LRP12: variants seen among roughly 807,000 people sequenced by gnomAD.
LRP12 encodes the protein LDL receptor related protein 12.
In LRP12, 14 loss-of-function variants were observed where a neutral mutation model predicts 66.0. The observed-to-expected ratio is 0.21, with a 90% confidence interval of 0.14 to 0.33. The LOEUF is 0.33. Among genes scored for constraint, LRP12 ranks in the 10% least tolerant of loss-of-function variants. The pLI is 1.00. For missense variants in LRP12, 889 were observed against 1,053.4 expected (o/e 0.84, Z 2.16); for synonymous variants, 357 against 359.1 (o/e 0.99, Z 0.07).
At chr8:104,516,584 T>C (rs1811074799) in intron 2 of LRP12, among the ~76,000 whole-genome samples, 1 of 152,114 alleles carries the variant, frequency 6.6e-6, no homozygotes. Context: ...AGGGCAAAGT[T>C]AACTGATGAA....
chr8:104,567,195 T>C (rs1464736163), intron 1 of LRP12, among the ~76,000 whole-genome samples: 1 of 152,164 alleles, frequency 6.6e-6, no homozygotes, highest in African/African-American at 2.4e-5. Flanking sequence ...TCTGTTTTCA[T>C]GCTGCTGATA....
At chr8:104,587,573 AAG>A (rs1207284243) in intron 1 of LRP12, among the ~76,000 whole-genome samples, 1 of 152,192 alleles carries the variant, frequency 6.6e-6, no homozygotes, top group Non-Finnish European at 1.5e-5. Context: ...TTGTACCAAA[AAG>A]AATTTCTTGG....
intron 1 of LRP12, among the ~76,000 whole-genome samples, chr8:104,557,141 C>T (rs975624037): frequency 2.6e-5 from 4 of 152,070 alleles, no homozygotes; most frequent in Non-Finnish European, 4.4e-5. Context: ...TATGACAAAC[C>T]CATAGCCAAC....
intron 1 of LRP12, among the ~76,000 whole-genome samples, chr8:104,540,858 C>T (rs374097443): frequency 2.6e-5 from 4 of 152,248 alleles, no homozygotes; most frequent in Admixed American, 1.3e-4. Context: ...CTCAGCCTCC[C>T]GAATAGCTGG....
chr8:104,540,772 T>C (rs1811464273), intron 1 of LRP12, among the ~76,000 whole-genome samples: 1 of 152,224 alleles, frequency 6.6e-6, no homozygotes, highest in African/African-American at 2.4e-5. Context: ...TCTCGCTCTG[T>C]CGCTAGGCTA....
At chr8:104,516,869 T>A (rs553806096) in intron 2 of LRP12, among the ~76,000 whole-genome samples, 11 of 152,160 alleles carry the variant, frequency 7.2e-5, no homozygotes, top group Admixed American at 3.3e-4. Flanking sequence ...AGAGCTGAAC[T>A]ACTGTCAAAG....
chr8:104,578,122 T>A (rs1232724605), intron 1 of LRP12, among the ~76,000 whole-genome samples: 1 of 151,586 alleles, frequency 6.6e-6, no homozygotes, highest in African/African-American at 2.4e-5. Flanking sequence ...CTGGTTTTTT[T>A]TTTGAAAAAA....
chr8:104,580,757 C>A (rs1037675231), intron 1 of LRP12, among the ~76,000 whole-genome samples: 1 of 152,070 alleles, frequency 6.6e-6, no homozygotes, highest in African/African-American at 2.4e-5. Context: ...GTCAGAATGG[C>A]TAATTATTAA....
At chr8:104,546,328 C>G (rs1414396409) in intron 1 of LRP12, among the ~76,000 whole-genome samples, 6 of 152,098 alleles carry the variant, frequency 3.9e-5, no homozygotes, top group Non-Finnish European at 7.4e-5. Flanking sequence ...TCCAGTCAAG[C>G]AACCAACACT....
At chr8:104,536,191 C>T (rs991064913) in intron 1 of LRP12, among the ~76,000 whole-genome samples, 2 of 152,112 alleles carry the variant, frequency 1.3e-5, no homozygotes, top group South Asian at 4.1e-4. Flanking sequence ...TTGTGACCCA[C>T]TTTCCCATTC....
chr8:104,556,075 G>A (rs1163246232), intron 1 of LRP12, among the ~76,000 whole-genome samples: 1 of 152,074 alleles, frequency 6.6e-6, no homozygotes, highest in East Asian at 1.9e-4. Flanking sequence ...GGTCAACAAT[G>A]AAATCAAGAT....
intron 1 of LRP12, among the ~76,000 whole-genome samples, chr8:104,562,419 C>A (rs1019148479): frequency 6.6e-6 from 1 of 151,674 alleles, no homozygotes; most frequent in South Asian, 2.1e-4. Flanking sequence ...ATTTAATGTT[C>A]AAAATTAGGA....
At chr8:104,523,925 T>C (rs1167870396) in intron 2 of LRP12, among the ~76,000 whole-genome samples, 1 of 152,096 alleles carries the variant, frequency 6.6e-6, no homozygotes, top group Non-Finnish European at 1.5e-5. Context: ...TTAATAACAT[T>C]TTCTTTTCTC....
intron 2 of LRP12, 67 bp downstream of exon 2, chr8:104,531,840 C>A: frequency 1.0e-6 from 1 of 986,506 alleles, no homozygotes; most frequent in Non-Finnish European, 1.6e-6. Context: ...CGTAAGATAC[C>A]AGGTGGCTTT....
chr8:104,490,918 T>C lies in LRP12; in HGVS notation c.2335A>G (p.Ile779Val). 7 of 1,614,088 alleles carry C rather than the reference T, an allele frequency of 4.3e-6. No homozygotes were observed. Among genetic ancestry groups the C allele is most frequent in the South Asian group, 1.1e-5 (1 of 91,074 alleles). The change falls in exon 7 of 7, where the codon ATT becomes GTT. Residue 779 changes from isoleucine (I) to valine (V), a missense_variant. Transcript: ENST00000276654. Reference sequence around the variant, plus strand: ...TCAAAGTCTGAAGATCCATCAGAAATTGGAATTAGCATTTCAACATCATCA... The same window carrying C: ...TCAAAGTCTGAAGATCCATCAGAAACTGGAATTAGCATTTCAACATCATCA... ...DDDDVEMLIP[I>V]SDGSSDFDVN...
intron 2 of LRP12, among the ~76,000 whole-genome samples, chr8:104,518,887 G>A (rs1481195127): frequency 6.6e-6 from 1 of 151,998 alleles, no homozygotes; most frequent in Non-Finnish European, 1.5e-5. Flanking sequence ...GCAATGGACA[G>A]ATACTTAAAG....
chr8:104,579,411 C>A (rs992303684), intron 1 of LRP12, among the ~76,000 whole-genome samples: 1 of 152,024 alleles, frequency 6.6e-6, no homozygotes, highest in East Asian at 1.9e-4. Context: ...TATAAAACTA[C>A]GCTTACAGAA....
At chr8:104,511,126 C>T (rs1008712240) in intron 2 of LRP12, among the ~76,000 whole-genome samples, 1 of 143,000 alleles carries the variant, frequency 7.0e-6, no homozygotes, top group Non-Finnish European at 1.5e-5. Context: ...TCACTACAAC[C>T]TCTGCCTCCC....
intron 1 of LRP12, among the ~76,000 whole-genome samples, chr8:104,535,885 A>T (rs562048820): frequency 6.6e-6 from 1 of 152,100 alleles, no homozygotes; most frequent in East Asian, 1.9e-4. Context: ...AATAGTGCTT[A>T]GCTCTCAGAA....
Sources: allele counts gnomAD v4.1 joint callset (sites outside exome capture counted in the v4.1 genomes callset), GRCh38; gene constraint gnomAD v4.1.1; transcripts MANE v1.5; gene names NCBI Gene and HGNC (gene_info 2026-07-23, HGNC 2026-07-21).